Variants in IL1RAPL1 observed in about 807,000 individuals in gnomAD.
IL1RAPL1 encodes interleukin 1 receptor accessory protein like 1, also known as interleukin-1 receptor accessory protein-like 1.
Under a neutral mutation model 48.4 loss-of-function variants are expected in IL1RAPL1, and 3 were observed. The ratio of observed to expected loss-of-function variants is 0.06; its 90% CI spans 0.03 to 0.16. The LOEUF (loss-of-function observed/expected upper bound fraction) is 0.16, where lower values mean the gene tolerates loss of function less well. Among genes scored for constraint, IL1RAPL1 ranks in the 10% least tolerant of loss-of-function variants. The pLI, the probability that IL1RAPL1 is intolerant of heterozygous loss-of-function variation, is 1.00. For synonymous variants in IL1RAPL1, 185 were observed against 187.7 expected (o/e 0.99, Z 0.12); for missense variants, 349 against 530.6 (o/e 0.66, Z 3.36).
At chrX:29,449,159 G>T (rs1039255338) in intron 5 of IL1RAPL1, among the ~76,000 whole-genome samples, 7 of 111,689 alleles carry the variant, frequency 6.3e-5, no homozygotes, top group African/African-American at 2.3e-4. Flanking sequence ...TATACATAAG[G>T]AAACCGCGAT....
intron 5 of IL1RAPL1, among the ~76,000 whole-genome samples, chrX:29,493,404 C>A (rs757265846): frequency 8.9e-6 from 1 of 112,067 alleles, no homozygotes; most frequent in Non-Finnish European, 1.9e-5. Flanking sequence ...AATGTAAATA[C>A]GATTTATTTA....
intron 2 of IL1RAPL1, among the ~76,000 whole-genome samples, chrX:29,034,376 A>G (rs1487169864): frequency 8.9e-6 from 1 of 111,774 alleles, no homozygotes; most frequent in Non-Finnish European, 1.9e-5. Flanking sequence ...TTCTTGTGTT[A>G]TAATATTAGC....
At chrX:28,962,820 G>A (rs1375336759) in intron 2 of IL1RAPL1, among the ~76,000 whole-genome samples, 1 of 108,971 alleles carries the variant, frequency 9.2e-6, no homozygotes, top group Non-Finnish European at 1.9e-5. Flanking sequence ...TTTGGTATCC[G>A]TGGGGGGGGT....
chrX:29,560,397 GA>G (rs1293717463), intron 5 of IL1RAPL1, among the ~76,000 whole-genome samples: 2 of 111,678 alleles, frequency 1.8e-5, no homozygotes, highest in Non-Finnish European at 3.8e-5. Context: ...TGAGCTTCAT[GA>G]ATCTAAATAT....
intron 2 of IL1RAPL1, among the ~76,000 whole-genome samples, chrX:28,815,442 C>A (rs1010097972): frequency 3.6e-5 from 4 of 109,894 alleles, no homozygotes; most frequent in African/African-American, 1.3e-4. Context: ...AAATATTTAT[C>A]CTTTCTTTAC....
chrX:29,063,455 A>G (rs1297823497), intron 2 of IL1RAPL1, among the ~76,000 whole-genome samples: 1 of 111,763 alleles, frequency 8.9e-6, no homozygotes, highest in African/African-American at 3.3e-5. Context: ...TGAGCATACA[A>G]TAGGGCTACC....
intron 2 of IL1RAPL1, among the ~76,000 whole-genome samples, chrX:28,816,152 G>A (rs1027394008): frequency 1.9e-5 from 2 of 107,668 alleles, no homozygotes; most frequent in African/African-American, 3.4e-5. Flanking sequence ...CGCTTCCTTC[G>A]TATCCTCGCC....
Position 28,636,377 on chromosome X carries a change from T to C in IL1RAPL1, c.-25+48330T>C, listed in dbSNP as rs1333403569. On this transcript the variant is annotated intron_variant, in intron 1 of 10. Coordinates refer to ENST00000378993, the MANE Select transcript of IL1RAPL1 (RefSeq NM_014271.4). ...TTAGTATCTTATAAATCAACATACA[T>C]TCAATTTGATCTATGTTATTTGGAT... Among the ~76,000 whole-genome samples the C allele has an allele frequency of 3.6e-5, 4 of 112,190 alleles. No homozygotes were observed. The East Asian group carries it at 1.1e-3, about 31-fold the overall frequency.
intron 6 of IL1RAPL1, among the ~76,000 whole-genome samples, chrX:29,704,433 C>G (rs1337871198): frequency 1.8e-5 from 2 of 111,304 alleles, no homozygotes; most frequent in African/African-American, 6.5e-5. Flanking sequence ...CTTTGGGAGG[C>G]TGAGTCAGGC....
intron 2 of IL1RAPL1, among the ~76,000 whole-genome samples, chrX:28,849,849 T>C (rs990840820): frequency 3.6e-5 from 4 of 112,299 alleles, no homozygotes; most frequent in Non-Finnish European, 7.5e-5. Context: ...CCCTGTCTTA[T>C]GAATCTTCAT....
intron 1 of IL1RAPL1, among the ~76,000 whole-genome samples, chrX:28,751,356 T>C (rs374916724): frequency 8.9e-6 from 1 of 112,029 alleles, no homozygotes; most frequent in East Asian, 2.8e-4. Context: ...AGGTGCTATC[T>C]TTCTTCTGTC....
intron 5 of IL1RAPL1, among the ~76,000 whole-genome samples, chrX:29,550,802 G>C (rs1442597072): frequency 1.8e-5 from 2 of 111,672 alleles, no homozygotes. Flanking sequence ...TTTGTTTGTG[G>C]GTGATTGTTT....
At chrX:29,898,580 A>C (rs1932434471) in intron 6 of IL1RAPL1, among the ~76,000 whole-genome samples, 1 of 112,229 alleles carries the variant, frequency 8.9e-6, no homozygotes, top group African/African-American at 3.2e-5. Flanking sequence ...GCTTATATAG[A>C]TTAAATATAC....
intron 6 of IL1RAPL1, among the ~76,000 whole-genome samples, chrX:29,765,996 G>A (rs1394595945): frequency 1.8e-5 from 2 of 110,124 alleles, no homozygotes; most frequent in Non-Finnish European, 3.8e-5. Flanking sequence ...GAAACCACCT[G>A]TACCTCAAAA....
chrX:29,399,360 A>G (rs751297269), intron 5 of IL1RAPL1, 52 bp downstream of exon 5: 9 of 1,017,470 alleles, frequency 8.8e-6, no homozygotes, highest in African/African-American at 3.7e-5. Context: ...TACTATTTTA[A>G]GTTAGTTTTT....
At chrX:29,217,572 A>T (rs1930894444) in intron 2 of IL1RAPL1, among the ~76,000 whole-genome samples, 1 of 111,762 alleles carries the variant, frequency 8.9e-6, no homozygotes, top group African/African-American at 3.2e-5. Flanking sequence ...ATTGCCAGGT[A>T]GCTGCCAGGT....
At chrX:29,589,066 A>G (rs1923280375) in intron 5 of IL1RAPL1, among the ~76,000 whole-genome samples, 2 of 111,566 alleles carry the variant, frequency 1.8e-5, no homozygotes, top group South Asian at 7.5e-4. Context: ...CCACATTTAT[A>G]CTAAGTCAGA....
At chrX:29,915,877 C>T (rs1368330526) in intron 6 of IL1RAPL1, among the ~76,000 whole-genome samples, 2 of 73,653 alleles carry the variant, frequency 2.7e-5, no homozygotes, top group Non-Finnish European at 5.2e-5. Context: ...TTAGGTATAT[C>T]TCCCAATGCT....
At chrX:29,022,119 C>G (rs1359190860) in intron 2 of IL1RAPL1, among the ~76,000 whole-genome samples, 2 of 111,344 alleles carry the variant, frequency 1.8e-5, no homozygotes, top group Non-Finnish European at 3.8e-5. Context: ...TCAGCAAGTC[C>G]TCTTCATTCT....
Sources: gnomAD v4.1 joint callset for allele counts (sites outside exome capture counted in the v4.1 genomes callset) on GRCh38, gnomAD v4.1.1 for gene constraint, MANE v1.5 for transcripts, NCBI Gene and HGNC (gene_info 2026-07-23, HGNC 2026-07-21) for gene names.